CBL: variants seen among roughly 807,000 people sequenced by gnomAD.
CBL encodes the protein E3 ubiquitin-protein ligase CBL.
In CBL, 45 loss-of-function variants were observed where a neutral mutation model predicts 96.9. That is an observed-to-expected ratio of 0.46 (90% CI 0.37 to 0.60). The LOEUF (loss-of-function observed/expected upper bound fraction) is 0.60. CBL is among the 20% of genes least tolerant of loss of function. The pLI, the probability that CBL is intolerant of heterozygous loss-of-function variation, is 0.00. For synonymous variants in CBL, 420 were observed against 426.8 expected, an observed-to-expected ratio of 0.98 and a Z score of 0.20; for missense variants, 1,024 against 1,143.5, an observed-to-expected ratio of 0.90 and a Z score of 1.51.
At chr11:119,263,374 T>C (rs1250074007) in intron 2 of CBL, among the ~76,000 whole-genome samples, 1 of 152,172 alleles carries the variant, frequency 6.6e-6, no homozygotes, top group African/African-American at 2.4e-5. Flanking sequence ...GATAGAAATA[T>C]GAGGGGAGTG....
chr11:119,272,139 T>G (rs1338349093), intron 3 of CBL, among the ~76,000 whole-genome samples: 2 of 152,252 alleles, frequency 1.3e-5, no homozygotes, highest in African/African-American at 2.4e-5. Context: ...GGTTTCTTTT[T>G]GAGACGGAGT....
In CBL at chr11:119,275,050, A is replaced by T. The variant is rs776829497; in HGVS notation, c.869+97A>T. The stretch of plus-strand genomic sequence containing the variant: ...AAACATGACCTTAATTAGTTTCGCA[A>T]TAGCCAAGGTTCTGCAATAGGATTG... On this transcript the variant is annotated intron_variant, in intron 5 of 15. Coordinates refer to ENST00000264033, the MANE Select transcript of CBL (RefSeq NM_005188.4). 7 of 1,298,712 alleles carry T rather than the reference A, an allele frequency of 5.4e-6. No homozygotes were observed. In the African/African-American group the frequency reaches 1.0e-4, roughly 19 times the overall value. The allele number at this position is 1,298,712 out of a possible 1,614,324, so 80.4% of individuals were successfully genotyped here. A position where few individuals can be genotyped will look rare whatever the true frequency, so the allele number is the denominator to read the frequency against.
At chr11:119,278,453 A>G (rs1316285622) in intron 8 of CBL, 57 bp from the exon 9 acceptor site, 1 of 1,555,354 alleles carries the variant, frequency 6.4e-7, no homozygotes, top group Non-Finnish European at 8.9e-7. Flanking sequence ...TTTCTAGTAG[A>G]TTAATATTTT....
At chr11:119,259,557 A>G (rs1279517389) in intron 2 of CBL, among the ~76,000 whole-genome samples, 1 of 152,172 alleles carries the variant, frequency 6.6e-6, no homozygotes, top group Non-Finnish European at 1.5e-5. Context: ...TAGGGGCTCT[A>G]ATGTTCAAGT....
At chr11:119,215,720 G>A (rs2135252232) in intron 1 of CBL, among the ~76,000 whole-genome samples, 1 of 151,878 alleles carries the variant, frequency 6.6e-6, no homozygotes, top group Non-Finnish European at 1.5e-5. Context: ...CCAGCTACTC[G>A]GGAGGCTGAG....
chr11:119,305,833 G>T lies in CBL; in HGVS notation c.*6052G>T, dbSNP rs1565275067. On this transcript the variant is annotated 3_prime_UTR_variant, in exon 16 of 16. Transcript: ENST00000264033. ...TTTCTCTCATCTCAGAGCCTGTCCT[G>T]AGTTGTAAGGTATTTCATACTGCCT... is the stretch of plus-strand genomic sequence containing the variant. The T allele has an allele frequency of 4.3e-6, 1 of 233,148 alleles. No homozygotes were observed. The highest frequency in any genetic ancestry group is 6.2e-5 in the East Asian group (1 of 16,256). The allele number at this position is 233,148 out of a possible 1,614,324, so 14.4% of individuals were successfully genotyped here.
chr11:119,236,433 A>G (rs985959871), intron 2 of CBL, among the ~76,000 whole-genome samples: 1 of 151,908 alleles, frequency 6.6e-6, no homozygotes, highest in Admixed American at 6.6e-5. Context: ...TTTTATGGCT[A>G]AGTCATATTT....
chr11:119,209,853 G>T (rs74812231), intron 1 of CBL, among the ~76,000 whole-genome samples: 241 of 152,244 alleles, frequency 1.6e-3, no homozygotes, highest in African/African-American at 5.5e-3. Context: ...ACATAGGCCC[G>T]ATTTACTAAT....
chr11:119,244,500 C>G (rs982169089), intron 2 of CBL, among the ~76,000 whole-genome samples: 3 of 151,680 alleles, frequency 2.0e-5, no homozygotes, highest in Non-Finnish European at 4.4e-5. Context: ...TCACCGCAGC[C>G]TCAACCTCCA....
intron 9 of CBL, among the ~76,000 whole-genome samples, chr11:119,281,636 AG>A (rs1353105444): frequency 1.3e-5 from 2 of 151,728 alleles, no homozygotes; most frequent in Non-Finnish European, 2.9e-5. Context: ...CTGGGACTAC[AG>A]GCGCCTGCCA....
chr11:119,225,048 G>GGT (rs1949446561), intron 1 of CBL, among the ~76,000 whole-genome samples: 1 of 150,896 alleles, frequency 6.6e-6, no homozygotes, highest in African/African-American at 2.5e-5. Flanking sequence ...AAACTCTTTG[G>GGT]GGTGTGTGTG....
chr11:119,206,993 CAGGGAGGGGGTGAGGAAG>C (rs1949275036), intron 1 of CBL, among the ~76,000 whole-genome samples: 1 of 151,442 alleles, frequency 6.6e-6, no homozygotes, highest in South Asian at 2.1e-4. Flanking sequence ...GGGAGGTTAG[CAGGGAGGGGGTGAGGAAG>C]AGTGATGTAC....
chr11:119,223,789 G>A (rs1022355333), intron 1 of CBL, among the ~76,000 whole-genome samples: 3 of 151,918 alleles, frequency 2.0e-5, no homozygotes, highest in Admixed American at 2.0e-4. Context: ...ACCACACTCA[G>A]CTAATTTTTG....
At chr11:119,207,142 G>C (rs1949277052) in intron 1 of CBL, among the ~76,000 whole-genome samples, 1 of 152,092 alleles carries the variant, frequency 6.6e-6, no homozygotes, top group African/African-American at 2.4e-5. Context: ...TGAGAGTATA[G>C]TCCTTTCTCA....
chr11:119,260,219 GCTT>G (rs1949743885), intron 2 of CBL, among the ~76,000 whole-genome samples: 1 of 143,504 alleles, frequency 7.0e-6, no homozygotes, highest in African/African-American at 2.5e-5. Flanking sequence ...TATTGGCTTA[GCTT>G]CTTTTTTTTT....
intron 2 of CBL, among the ~76,000 whole-genome samples, chr11:119,253,084 G>GCACTACACA (rs1949683033): frequency 6.6e-6 from 1 of 152,028 alleles, no homozygotes; most frequent in African/African-American, 2.4e-5. Flanking sequence ...AAGGTTACAT[G>GCACTACACA]CACATATCAT....
chr11:119,231,430 G>A (rs1261604604), intron 1 of CBL, among the ~76,000 whole-genome samples: 1 of 151,154 alleles, frequency 6.6e-6, no homozygotes, highest in Admixed American at 6.6e-5. Flanking sequence ...CAAACAAAGG[G>A]CCTGTAATCC....
intron 2 of CBL, among the ~76,000 whole-genome samples, chr11:119,264,409 T>TTCTCTTCTCTTCTCTTCTCG (rs1349574894): frequency 2.1e-4 from 26 of 122,252 alleles, no homozygotes; most frequent in African/African-American, 8.0e-4. Context: ...TTCTCTTCTC[T>TTCTCTTCTCTTCTCTTCTCG]TCTCTTCTCT....
At chr11:119,265,666 C>T (rs1035458655) in intron 2 of CBL, among the ~76,000 whole-genome samples, 16 of 152,188 alleles carry the variant, frequency 1.1e-4, no homozygotes, top group African/African-American at 3.6e-4. Context: ...GTGGGTGGAT[C>T]ACCTGAGATC....
Sources: gnomAD v4.1 joint callset for allele counts (sites outside exome capture counted in the v4.1 genomes callset) on GRCh38, gnomAD v4.1.1 for gene constraint, MANE v1.5 for transcripts, NCBI Gene and HGNC (gene_info 2026-07-23, HGNC 2026-07-21) for gene names.